The following SNX30 variants were observed in gnomAD, a reference collection of about 807,000 sequenced individuals.
SNX30 encodes sorting nexin-30.
SNX30 carries 24 observed loss-of-function variants against 46.4 expected under a neutral mutation model. The ratio of observed to expected loss-of-function variants is 0.52; its 90% CI spans 0.37 to 0.73. SNX30 has a LOEUF of 0.73. Ranked by LOEUF, SNX30 falls within the 30% of genes least tolerant of loss-of-function variation. The probability of loss-of-function intolerance (pLI) is 0.00; values close to 1 mark genes in which losing one functional copy is unlikely to be tolerated. For missense variants in SNX30, 533 were observed against 555.7 expected, an observed-to-expected ratio of 0.96 and a Z score of 0.41; for synonymous variants, 189 against 211.5, an observed-to-expected ratio of 0.89 and a Z score of 0.92.
chr9:112,864,986 C>T (rs560546153), intron 8 of SNX30, among the ~76,000 whole-genome samples: 1 of 78,288 alleles, frequency 1.3e-5, no homozygotes, highest in African/African-American at 4.7e-5. Flanking sequence ...CGCACATGCG[C>T]GTGCACACAC....
At chr9:112,857,922 C>G (rs949675072) in intron 7 of SNX30, among the ~76,000 whole-genome samples, 7 of 152,160 alleles carry the variant, frequency 4.6e-5, no homozygotes, top group Non-Finnish European at 1.0e-4. Context: ...GTTACTGTCC[C>G]GTTCCCCAGC....
intron 8 of SNX30, among the ~76,000 whole-genome samples, chr9:112,867,334 C>G (rs1291585831): frequency 6.7e-6 from 1 of 148,788 alleles, no homozygotes; most frequent in African/African-American, 2.5e-5. Flanking sequence ...TTCCTCCTCC[C>G]TCCTCAGAAC....
chr9:112,859,346 TTATC>T (rs1841190824), intron 7 of SNX30, among the ~76,000 whole-genome samples: 1 of 152,158 alleles, frequency 6.6e-6, no homozygotes, highest in Admixed American at 6.5e-5. Context: ...CACATTTTGT[TTATC>T]CATTCATCAG....
chr9:112,787,606 G>A (rs187931571), intron 1 of SNX30, among the ~76,000 whole-genome samples: 2 of 151,858 alleles, frequency 1.3e-5, no homozygotes, highest in African/African-American at 2.4e-5. Context: ...TATTTTTGAG[G>A]CTCTAATAAT....
intron 6 of SNX30, 123 bp downstream of exon 6, chr9:112,838,820 A>T: frequency 1.2e-6 from 1 of 835,270 alleles, no homozygotes; most frequent in South Asian, 1.7e-5. Flanking sequence ...GGGCAGGATC[A>T]GACACGTGGA....
In SNX30 at chr9:112,864,354, G is replaced by C. The variant is rs535897402; in HGVS notation, c.1209G>C (p.Gln403His). Reference protein sequence around the residue: ...WQNNKRQDFRQLLMGMADKNI... With the variant: ...WQNNKRQDFRHLLMGMADKNI... The stretch of plus-strand genomic sequence containing the variant: ...ACAACAAGAGGCAGGACTTCCGGCA[G>C]CTACTCATGGGGATGGCTGACAAGA... The change falls in exon 8 of 9, where the codon CAG becomes CAC. Residue 403 changes from glutamine (Q) to histidine (H), a missense_variant. Transcript: ENST00000374232. 1 of 1,614,252 alleles carries C rather than the reference G, an allele frequency of 6.2e-7. No homozygotes were observed. Among genetic ancestry groups the C allele is most frequent in the Non-Finnish European group, 8.5e-7 (1 of 1,180,044 alleles).
intron 1 of SNX30, among the ~76,000 whole-genome samples, chr9:112,790,491 G>A (rs1232268903): frequency 1.3e-5 from 2 of 152,154 alleles, no homozygotes; most frequent in Admixed American, 6.5e-5. Flanking sequence ...AAGTCGAGGA[G>A]CAAGGGAGCT....
Position 112,804,792 on chromosome 9 carries a change from A to G in SNX30, c.173A>G (p.Asn58Ser), listed in dbSNP as rs374187425. The stretch of plus-strand genomic sequence containing the variant: ...TTCTTTTAGGATCTCATTTTGCCCA[A>G]CGGTGGTACTCCAGCAGGTACTTCA... ...SFGDKDLILP[N>S]GGTPAGTSSP... The change falls in exon 2 of 9, where the codon AAC becomes AGC. Residue 58 changes from asparagine (N) to serine (S), a missense_variant. This residue lies in a region of SNX30 where 191 missense variants were observed against 160.3 expected (regional missense o/e 1.19). Coordinates refer to ENST00000374232, the MANE Select transcript of SNX30 (RefSeq NM_001012994.2). The G allele has an allele frequency of 1.1e-5, 18 of 1,609,500 alleles. No homozygotes were observed. The African/African-American group carries it at 1.9e-4, about 17-fold the overall frequency.
At chr9:112,838,762 T>C in intron 6 of SNX30, 65 bp downstream of exon 6, 1 of 1,471,914 alleles carries the variant, frequency 6.8e-7, no homozygotes, top group Non-Finnish European at 9.4e-7. Flanking sequence ...CAGAAAGTAA[T>C]GGATTATTGC....
At chr9:112,836,479 A>G (rs777792581) in intron 5 of SNX30, 70 bp downstream of exon 5, 17 of 1,490,362 alleles carry the variant, frequency 1.1e-5, no homozygotes, top group Non-Finnish European at 1.5e-5. Flanking sequence ...CATGTGTGCT[A>G]CAGAGAATCA....
In SNX30 at chr9:112,775,260, AT is replaced by A. The variant is rs1459938289; in HGVS notation, c.156+24105del. On this transcript the variant is annotated intron_variant, in intron 1 of 8. Coordinates refer to ENST00000374232, the MANE Select transcript of SNX30 (RefSeq NM_001012994.2). ...AACCTCCACCTCCCAGGTTCAAGTG[AT>A]TCTCCTGCCTTAGCCTCCCAAGTGG... 1.2e-4 allele frequency among the ~76,000 whole-genome samples: 17 copies of A among 147,462 alleles called. No homozygotes were observed. The East Asian group carries it at 3.4e-3, about 29-fold the overall frequency.
chr9:112,874,588 G>A lies in SNX30; in HGVS notation c.*5745G>A, dbSNP rs1841494652. The A allele has an allele frequency of 6.6e-6, 1 of 152,146 alleles. No individual in the cohort carries two copies. Among genetic ancestry groups the A allele is most frequent in the Non-Finnish European group, 1.5e-5 (1 of 68,036 alleles). 9.4% of individuals were successfully genotyped at this position (152,146 alleles called of 1,614,324 possible). On this transcript the variant is annotated 3_prime_UTR_variant, in exon 9 of 9. Coordinates refer to ENST00000374232, the MANE Select transcript of SNX30 (RefSeq NM_001012994.2). ...CGTGTAAATGTTACCTTCTCTCCAT[G>A]CTGCCATTATGCCAAAACAAAAGCT...
intron 1 of SNX30, among the ~76,000 whole-genome samples, chr9:112,781,480 T>A (rs1021874118): frequency 1.3e-5 from 2 of 152,182 alleles, no homozygotes; most frequent in African/African-American, 2.4e-5. Context: ...TTTGTTGGGG[T>A]TTAGAAAGCC....
At chr9:112,805,696 T>A (rs988070608) in intron 2 of SNX30, among the ~76,000 whole-genome samples, 10 of 152,330 alleles carry the variant, frequency 6.6e-5, no homozygotes, top group African/African-American at 1.2e-4. Context: ...CTCGAACTCC[T>A]GACCTCAGAT....
downstream of SNX30, chr9:112,877,275 G>A (rs1457980635): frequency 1.3e-5 from 2 of 152,196 alleles, no homozygotes; most frequent in Admixed American, 6.5e-5. Context: ...CTCAGCTCAG[G>A]TTAAAAAACA....
intron 8 of SNX30, among the ~76,000 whole-genome samples, chr9:112,865,737 A>ATGAG (rs1443061393): frequency 2.1e-5 from 3 of 144,760 alleles, no homozygotes; most frequent in Non-Finnish European, 3.0e-5. Flanking sequence ...ACATACACAC[A>ATGAG]TGAGTGAGTG....
At chr9:112,874,996 C>T (rs749241481), downstream of SNX30, 40 of 152,288 alleles carry the variant, frequency 2.6e-4, no homozygotes, top group Non-Finnish European at 4.6e-4. Context: ...TATCTGGAGT[C>T]ATGTCCTCAT....
At chr9:112,764,011 C>T (rs1470463378) in intron 1 of SNX30, among the ~76,000 whole-genome samples, 2 of 152,240 alleles carry the variant, frequency 1.3e-5, no homozygotes, top group East Asian at 1.9e-4. Context: ...TCTTCCATTT[C>T]CTCCACCCTT....
At chr9:112,813,962 T>C (rs1840359041) in intron 2 of SNX30, among the ~76,000 whole-genome samples, 2 of 152,212 alleles carry the variant, frequency 1.3e-5, no homozygotes, top group Admixed American at 1.3e-4. Context: ...GTTTAGACAT[T>C]ATTTTCCAAT....
Sources: gnomAD v4.1 joint callset for allele counts (sites outside exome capture counted in the v4.1 genomes callset) on GRCh38, gnomAD v4.1.1 for gene constraint, gnomAD v4.1.1 regional missense constraint, MANE v1.5 for transcripts, NCBI Gene and HGNC (gene_info 2026-07-23, HGNC 2026-07-21) for gene names.